Variants in SLC9A9 observed in about 807,000 individuals in gnomAD.
SLC9A9 encodes the protein sodium/hydrogen exchanger 9.
In SLC9A9, 62 loss-of-function variants were observed where a neutral mutation model predicts 77.8. The ratio of observed to expected loss-of-function variants is 0.80; its 90% CI spans 0.65 to 0.98. The LOEUF (loss-of-function observed/expected upper bound fraction) is 0.98, where lower values mean the gene tolerates loss of function less well. Among genes scored for constraint, SLC9A9 ranks in the 50% least tolerant of loss-of-function variants. The probability of loss-of-function intolerance (pLI) is 0.00; values close to 1 mark genes in which losing one functional copy is unlikely to be tolerated. For synonymous variants in SLC9A9, 320 were observed against 283.5 expected, an observed-to-expected ratio of 1.13 and a Z score of -1.29; for missense variants, 775 against 774.9, an observed-to-expected ratio of 1.00 and a Z score of 0.00.
In SLC9A9 at chr3:143,284,725, C is replaced by T. The variant is rs544460450; in HGVS notation, c.1605-15745G>A. ...ACCTAATAGTACCTCAGTGTCTAAACATTCTCCTAATCATTTAAATACTTT... is the reference window on the plus strand; with the variant it reads ...ACCTAATAGTACCTCAGTGTCTAAATATTCTCCTAATCATTTAAATACTTT... On this transcript the variant is annotated intron_variant, in intron 14 of 15. Transcript: ENST00000316549. Among the ~76,000 whole-genome samples the T allele has an allele frequency of 1.2e-3, 184 of 152,198 alleles. No homozygotes were observed. In the Middle Eastern group the frequency reaches 0.017, roughly 14 times the overall value.
chr3:143,507,024 C>T (rs1211616739), intron 9 of SLC9A9, among the ~76,000 whole-genome samples: 2 of 151,784 alleles, frequency 1.3e-5, no homozygotes, highest in Non-Finnish European at 2.9e-5. Flanking sequence ...TTTTCTTTAA[C>T]TTTTTTTATT....
intron 12 of SLC9A9, among the ~76,000 whole-genome samples, chr3:143,394,648 G>C (rs577137510): frequency 1.8e-4 from 27 of 152,302 alleles, no homozygotes; most frequent in Non-Finnish European, 3.4e-4. Context: ...ATTAGGAAAA[G>C]AGGAAGTCAA....
chr3:143,647,308 A>G (rs1242077), intron 6 of SLC9A9, among the ~76,000 whole-genome samples: 102,459 of 152,038 alleles, frequency 0.67, 34,668 homozygotes, highest in African/African-American at 0.72. Context: ...TGATCAACAC[A>G]TGTGTTGAAA....
At chr3:143,406,978 G>GAAAAAAAAAAAA (rs57344964) in intron 12 of SLC9A9, among the ~76,000 whole-genome samples, 14 of 69,286 alleles carry the variant, frequency 2.0e-4, no homozygotes, top group Non-Finnish European at 3.0e-4. Flanking sequence ...TCCATCTCGA[G>GAAAAAAAAAAAA]AAAAAAAAAA....
chr3:143,359,277 C>A (rs1576447126), intron 14 of SLC9A9, among the ~76,000 whole-genome samples: 1 of 152,198 alleles, frequency 6.6e-6, no homozygotes, highest in East Asian at 1.9e-4. Context: ...TGAGGACATA[C>A]CAGGGAATGA....
intron 12 of SLC9A9, among the ~76,000 whole-genome samples, chr3:143,448,022 G>C (rs887689372): frequency 6.6e-6 from 1 of 152,138 alleles, no homozygotes; most frequent in East Asian, 1.9e-4. Context: ...GGGGGATGGA[G>C]GATGGCATTT....
intron 4 of SLC9A9, among the ~76,000 whole-genome samples, chr3:143,712,650 T>A (rs1422336416): frequency 6.6e-6 from 1 of 152,188 alleles, no homozygotes; most frequent in African/African-American, 2.4e-5. Flanking sequence ...CACTACTGAA[T>A]GACTCAATGG....
chr3:143,281,336 G>A (rs995403661), intron 14 of SLC9A9, among the ~76,000 whole-genome samples: 1 of 152,142 alleles, frequency 6.6e-6, no homozygotes, highest in African/African-American at 2.4e-5. Context: ...TTACCACAGT[G>A]TAGTCTAACC....
intron 14 of SLC9A9, among the ~76,000 whole-genome samples, chr3:143,301,486 A>G (rs1045404902): frequency 8.5e-5 from 13 of 152,178 alleles, no homozygotes; most frequent in African/African-American, 2.9e-4. Flanking sequence ...AAGTCCACCT[A>G]TACTTGAGGG....
intron 5 of SLC9A9, among the ~76,000 whole-genome samples, chr3:143,691,714 C>A (rs1933473424): frequency 6.6e-6 from 1 of 152,042 alleles, no homozygotes; most frequent in Non-Finnish European, 1.5e-5. Context: ...TGGAGTTATT[C>A]CCACTTCCTG....
At chr3:143,734,841 C>G (rs1934899503) in intron 4 of SLC9A9, among the ~76,000 whole-genome samples, 1 of 151,454 alleles carries the variant, frequency 6.6e-6, no homozygotes, top group South Asian at 2.1e-4. Context: ...GGTCAAATAA[C>G]ATGACCATGC....
intron 4 of SLC9A9, among the ~76,000 whole-genome samples, chr3:143,771,472 G>A (rs1034361771): frequency 1.3e-5 from 2 of 152,096 alleles, no homozygotes; most frequent in Non-Finnish European, 2.9e-5. Flanking sequence ...TATCTTGTTA[G>A]TCACACACAC....
chr3:143,598,490 A>G (rs1003014599), intron 6 of SLC9A9, among the ~76,000 whole-genome samples: 3 of 152,212 alleles, frequency 2.0e-5, no homozygotes, highest in African/African-American at 7.2e-5. Flanking sequence ...TGAGCGTTCA[A>G]TTTCTACCCA....
rs140844992 is a variant in SLC9A9 at position 143,309,275 on chromosome 3, A to G, written c.1605-40295T>C. ...CTTGCCTAGGGTCATATAATGGGAT[A>G]GGCAGATGGTAGGAATCAAAGCCAG... On this transcript the variant is annotated intron_variant, in intron 14 of 15. Coordinates refer to ENST00000316549, the MANE Select transcript of SLC9A9 (RefSeq NM_173653.4). Among the ~76,000 whole-genome samples the G allele has an allele frequency of 2.0e-3, 310 of 152,318 alleles. 1 individual carries two copies. Among genetic ancestry groups the G allele is most frequent in the African/African-American group, 7.1e-3 (294 of 41,564 alleles).
intron 4 of SLC9A9, among the ~76,000 whole-genome samples, chr3:143,782,457 A>G (rs1314113635): frequency 6.6e-6 from 1 of 152,228 alleles, no homozygotes; most frequent in Non-Finnish European, 1.5e-5. Context: ...AAATTGCAAG[A>G]GTAAGTTTAG....
At chr3:143,299,856 G>C (rs2030441326) in intron 14 of SLC9A9, among the ~76,000 whole-genome samples, 2 of 152,216 alleles carry the variant, frequency 1.3e-5, no homozygotes, top group South Asian at 4.1e-4. Context: ...GGACCCCTGG[G>C]TTCTGAGCCT....
At chr3:143,830,368 T>TA (rs1475643899) in intron 2 of SLC9A9, among the ~76,000 whole-genome samples, 3 of 152,166 alleles carry the variant, frequency 2.0e-5, no homozygotes, top group East Asian at 3.8e-4. Context: ...GCAGAGCTCA[T>TA]AATCCACTCA....
At chr3:143,734,919 A>G (rs1934901602) in intron 4 of SLC9A9, among the ~76,000 whole-genome samples, 2 of 152,146 alleles carry the variant, frequency 1.3e-5, no homozygotes, top group South Asian at 4.1e-4. Flanking sequence ...CTTGTGGCTA[A>G]GGCATAATAA....
intron 4 of SLC9A9, among the ~76,000 whole-genome samples, chr3:143,776,093 C>T (rs2007680538): frequency 6.6e-6 from 1 of 152,054 alleles, no homozygotes; most frequent in Non-Finnish European, 1.5e-5. Flanking sequence ...AAATATATTA[C>T]CCTCAAAATT....
Sources: allele counts gnomAD v4.1 joint callset (sites outside exome capture counted in the v4.1 genomes callset), GRCh38; gene constraint gnomAD v4.1.1; transcripts MANE v1.5; gene names NCBI Gene and HGNC (gene_info 2026-07-23, HGNC 2026-07-21).